DPP6: variants seen among roughly 807,000 people sequenced by gnomAD.
The protein encoded by DPP6 is A-type potassium channel modulatory protein DPP6.
A neutral mutation model predicts 122.6 loss-of-function variants in DPP6; 69 were observed. The observed-to-expected ratio is 0.56, with a 90% CI of 0.46 to 0.69. The LOEUF (loss-of-function observed/expected upper bound fraction) is 0.69, where lower values mean the gene tolerates loss of function less well. Among genes scored for constraint, DPP6 ranks in the 30% least tolerant of loss-of-function variants. The probability of loss-of-function intolerance (pLI) is 0.00; values close to 1 mark genes in which losing one functional copy is unlikely to be tolerated. For synonymous variants in DPP6, 418 were observed against 433.1 expected, an observed-to-expected ratio of 0.97 and a Z score of 0.43; for missense variants, 928 against 1,116.9, an observed-to-expected ratio of 0.83 and a Z score of 2.41.
intron 1 of DPP6, among the ~76,000 whole-genome samples, chr7:153,899,167 TTCTTCCTTCTCCTCTTCC>T (rs977373465): frequency 4.0e-5 from 6 of 151,600 alleles, no homozygotes; most frequent in Non-Finnish European, 5.9e-5. Context: ...CCTCCTCCTC[TTCTTCCTTCTCCTCTTCC>T]TCTTCCTTCT....
At chr7:154,365,861 A>AG (rs1563551529) in intron 1 of DPP6, among the ~76,000 whole-genome samples, 6 of 151,490 alleles carry the variant, frequency 4.0e-5, no homozygotes, top group African/African-American at 1.5e-4. Flanking sequence ...GGGAGGCTGA[A>AG]GCAGGAGAAT....
intron 1 of DPP6, among the ~76,000 whole-genome samples, chr7:154,356,935 T>C (rs1256464359): frequency 1.3e-5 from 2 of 152,242 alleles, no homozygotes; most frequent in Non-Finnish European, 2.9e-5. Context: ...TCAAATTTCC[T>C]GAAGCTTGAG....
Position 154,574,185 on chromosome 7 carries a change from C to CGT in DPP6, c.627+7282_627+7283dup, listed in dbSNP as rs1369342446. 4.7e-3 allele frequency among the ~76,000 whole-genome samples: 702 copies of CGT among 149,744 alleles called. 5 individuals are homozygous for CGT. The highest frequency in any genetic ancestry group is 0.012 in the African/African-American group (505 of 40,828). On this transcript the variant is annotated intron_variant, in intron 5 of 25. Transcript: ENST00000377770. ...CAAACTTTGTTAAGGTAATGCTGTG[C>CGT]GTGTGTGTGTGTGTATGTGTGTGGG...
intron 5 of DPP6, among the ~76,000 whole-genome samples, chr7:154,580,085 G>A (rs999884460): frequency 3.3e-5 from 5 of 151,736 alleles, no homozygotes; most frequent in Non-Finnish European, 7.4e-5. Context: ...AGGATGTAGC[G>A]GTGAATAACA....
chr7:154,047,994 AG>A, upstream of DPP6, among the ~76,000 whole-genome samples: 2 of 140,778 alleles, frequency 1.4e-5, no homozygotes, highest in South Asian at 4.5e-4. Flanking sequence ...TAGGATCAAA[AG>A]CTTGTGCAGC....
At chr7:154,061,709 A>ACCCCCAATGAGAGTGGGCACTGAGAGCT (rs1801941985) in intron 1 of DPP6, among the ~76,000 whole-genome samples, 2 of 80,914 alleles carry the variant, frequency 2.5e-5, no homozygotes, top group Non-Finnish European at 5.5e-5. Flanking sequence ...GGGGGGAGGC[A>ACCCCCAATGAGAGTGGGCACTGAGAGCT]ATCCCCGCGA....
chr7:153,773,196 G>A, the DPP6 span, among the ~76,000 whole-genome samples: 1 of 147,750 alleles, frequency 6.8e-6, no homozygotes, highest in East Asian at 2.0e-4. Flanking sequence ...AAAACCCACA[G>A]GAAGTCAAAA....
the DPP6 span, among the ~76,000 whole-genome samples, chr7:153,863,304 T>C: frequency 2.0e-5 from 3 of 152,192 alleles, no homozygotes; most frequent in African/African-American, 7.2e-5. Context: ...ATGGTATATA[T>C]GTACCACATT....
chr7:154,172,571 A>T (rs1035483459), intron 1 of DPP6, among the ~76,000 whole-genome samples: 4 of 152,060 alleles, frequency 2.6e-5, no homozygotes, highest in Non-Finnish European at 4.4e-5. Context: ...TAGCAGAGGC[A>T]AATGCAATTG....
intron 1 of DPP6, among the ~76,000 whole-genome samples, chr7:154,158,105 A>G (rs1249165297): frequency 1.3e-5 from 2 of 149,792 alleles, no homozygotes; most frequent in Non-Finnish European, 3.0e-5. Context: ...ATACTCCCAT[A>G]TAATTATGTT....
At chr7:154,359,818 A>G (rs147889655) in intron 1 of DPP6, among the ~76,000 whole-genome samples, 243 of 152,310 alleles carry the variant, frequency 1.6e-3, no homozygotes, top group African/African-American at 5.6e-3. Context: ...ATAGTCAAAC[A>G]CTACAGCACT....
At chr7:154,841,294 C>G (rs1422096682) in intron 16 of DPP6, among the ~76,000 whole-genome samples, 1 of 134,634 alleles carries the variant, frequency 7.4e-6, no homozygotes, top group African/African-American at 2.6e-5. Flanking sequence ...CTTTTGCCCA[C>G]CCCTCCAAGC....
At chr7:154,401,930 G>T (rs913706184) in intron 1 of DPP6, among the ~76,000 whole-genome samples, 4 of 152,224 alleles carry the variant, frequency 2.6e-5, no homozygotes, top group African/African-American at 9.6e-5. Flanking sequence ...ATCAAAAATT[G>T]GGCAAAGGAC....
At chr7:154,316,599 T>C (rs1024314599) in intron 1 of DPP6, among the ~76,000 whole-genome samples, 1 of 152,132 alleles carries the variant, frequency 6.6e-6, no homozygotes, top group African/African-American at 2.4e-5. Context: ...GGAGAAGTGC[T>C]TTGAGGAAAG....
intron 1 of DPP6, among the ~76,000 whole-genome samples, chr7:154,195,856 T>G (rs1798840155): frequency 6.6e-6 from 1 of 152,186 alleles, no homozygotes; most frequent in Non-Finnish European, 1.5e-5. Flanking sequence ...CCTGCCATCT[T>G]CCAGCAGGAC....
intron 10 of DPP6, among the ~76,000 whole-genome samples, chr7:154,779,044 A>ACC (rs1796814045): frequency 3.4e-5 from 1 of 29,436 alleles, no homozygotes; most frequent in East Asian, 1.3e-3. Context: ...CCACCACCAC[A>ACC]ACTACCCCCA....
At chr7:154,552,634 A>G (rs1034207494) in intron 4 of DPP6, among the ~76,000 whole-genome samples, 2 of 152,232 alleles carry the variant, frequency 1.3e-5, no homozygotes, top group Non-Finnish European at 2.9e-5. Flanking sequence ...AGGCTGAAAT[A>G]ACGTGATAAA....
At chr7:154,749,224 ACAGG>A (rs1587013705) in intron 8 of DPP6, among the ~76,000 whole-genome samples, 1 of 124,836 alleles carries the variant, frequency 8.0e-6, no homozygotes, top group African/African-American at 3.1e-5. Context: ...GGAGCATAGG[ACAGG>A]AGGGAGAGGG....
chr7:154,501,590 T>G (rs747028489), intron 3 of DPP6, among the ~76,000 whole-genome samples: 1 of 152,214 alleles, frequency 6.6e-6, no homozygotes, highest in South Asian at 2.1e-4. Flanking sequence ...CACATGGTAT[T>G]GAGCCTGTGG....
Sources: allele counts gnomAD v4.1 joint callset (sites outside exome capture counted in the v4.1 genomes callset), GRCh38; gene constraint gnomAD v4.1.1; transcripts MANE v1.5; gene names NCBI Gene and HGNC (gene_info 2026-07-23, HGNC 2026-07-21).